Variants in PIK3R4 observed in about 807,000 individuals in gnomAD.
PIK3R4 encodes phosphoinositide-3-kinase regulatory subunit 4, also known as phosphoinositide 3-kinase regulatory subunit 4.
Under a neutral mutation model 136.5 loss-of-function variants are expected in PIK3R4, and 46 were observed. The observed-to-expected ratio is 0.34, with a 90% CI of 0.27 to 0.43. The LOEUF (loss-of-function observed/expected upper bound fraction) is 0.43. Among genes scored for constraint, PIK3R4 ranks in the 20% least tolerant of loss-of-function variants. PIK3R4 has a pLI of 1.00. For missense variants in PIK3R4, 1,331 were observed against 1,649.5 expected (o/e 0.81, Z 3.35); for synonymous variants, 557 against 566.7 (o/e 0.98, Z 0.24).
intron 9 of PIK3R4, among the ~76,000 whole-genome samples, chr3:130,710,534 A>G (rs1352426997): frequency 1.3e-5 from 2 of 152,138 alleles, no homozygotes; most frequent in African/African-American, 4.8e-5. Context: ...GCCCACTCAC[A>G]CCAACTCCCT....
At chr3:130,680,581 A>AAAAGGTGAAAGGAATG in intron 19 of PIK3R4, 32 bp downstream of exon 19, 1 of 1,227,024 alleles carries the variant, frequency 8.1e-7, no homozygotes, top group Non-Finnish European at 1.2e-6. Context: ...TTGTGCTTAC[A>AAAAGGTGAAAGGAATG]AAAGGTGAAA....
Position 130,679,251 on chromosome 3 carries a change from A to G in PIK3R4, c.*64T>C. ...AAGCAAATGAATCTGTTCTCTAGAA[A>G]TGCCTTTTCTCGAGTTATAGTATTA... On this transcript the variant is annotated 3_prime_UTR_variant, in exon 20 of 20. Transcript: ENST00000356763. 1 of 1,008,616 alleles carries G rather than the reference A, an allele frequency of 9.9e-7. No individual in the cohort carries two copies. Among genetic ancestry groups the G allele is most frequent in the East Asian group, 2.9e-5 (1 of 34,586 alleles). 62.5% of individuals were successfully genotyped at this position (1,008,616 alleles called of 1,614,324 possible).
intron 18 of PIK3R4, 106 bp downstream of exon 18, chr3:130,680,871 T>C: frequency 1.3e-6 from 1 of 757,162 alleles, no homozygotes; most frequent in Non-Finnish European, 2.2e-6. Context: ...AAATAAAGTA[T>C]TAACAGCTGT....
At chr3:130,722,423 G>C (rs147702111) in intron 7 of PIK3R4, among the ~76,000 whole-genome samples, 1 of 152,106 alleles carries the variant, frequency 6.6e-6, no homozygotes, top group Admixed American at 6.6e-5. Context: ...CACAAACTTT[G>C]AGTGCAGGGG....
chr3:130,690,642 T>C lies in PIK3R4; in HGVS notation c.3111A>G (p.Thr1037=), dbSNP rs1305017404. ...TGACTCGTCCTCCAATTCGGCTGTA[T>C]GTAAGAATAGATCTGAATGAAAGAA... ...GKTTTTRSIL[T]YSRIGGRVKT... The change falls in exon 14 of 20, where the codon ACA becomes ACG. Residue 1037 remains threonine (T), a synonymous_variant. Coordinates refer to ENST00000356763, the MANE Select transcript of PIK3R4 (RefSeq NM_014602.3). 1.9e-6 allele frequency: 3 copies of C among 1,603,052 alleles called. No homozygotes were observed. The highest frequency in any genetic ancestry group is 1.7e-5 in the Admixed American group (1 of 59,294).
chr3:130,706,004 T>C (rs1347195722), intron 11 of PIK3R4, among the ~76,000 whole-genome samples: 1 of 152,036 alleles, frequency 6.6e-6, no homozygotes, highest in Non-Finnish European at 1.5e-5. Flanking sequence ...ATTTTATATA[T>C]AAAAAAACTG....
At chr3:130,695,416 T>C (rs932084956) in intron 13 of PIK3R4, among the ~76,000 whole-genome samples, 1 of 152,170 alleles carries the variant, frequency 6.6e-6, no homozygotes, top group Non-Finnish European at 1.5e-5. Flanking sequence ...TCAGAAAATA[T>C]TAAATGGAAA....
chr3:130,688,053 C>G (rs746753677), intron 14 of PIK3R4, among the ~76,000 whole-genome samples: 2 of 152,218 alleles, frequency 1.3e-5, no homozygotes, highest in Non-Finnish European at 2.9e-5. Flanking sequence ...ATTTCTGCAT[C>G]TGTTCGTGTG....
In PIK3R4 at chr3:130,705,958, C is replaced by T. The variant is rs185347435; in HGVS notation, c.2722-187G>A. Among the ~76,000 whole-genome samples the T allele has an allele frequency of 4.0e-3, 596 of 147,820 alleles. 7 individuals carry two copies. Among genetic ancestry groups the T allele is most frequent in the African/African-American group, 0.014 (566 of 40,796 alleles). ...ACCCAGTTAAAATGAAGTATAACCACAAATGCTACATTTCCATTTTTTATA... is the reference window on the plus strand; with the variant it reads ...ACCCAGTTAAAATGAAGTATAACCATAAATGCTACATTTCCATTTTTTATA... On this transcript the variant is annotated intron_variant, in intron 11 of 19. Coordinates refer to ENST00000356763, the MANE Select transcript of PIK3R4 (RefSeq NM_014602.3).
chr3:130,732,354 A>C (rs891750714), intron 4 of PIK3R4, among the ~76,000 whole-genome samples: 8 of 152,212 alleles, frequency 5.3e-5, no homozygotes, highest in African/African-American at 1.9e-4. Flanking sequence ...CCCGTTTAAC[A>C]CAATTGAGAA....
intron 11 of PIK3R4, among the ~76,000 whole-genome samples, chr3:130,706,119 ATGAC>A (rs1263788714): frequency 2.0e-5 from 3 of 152,238 alleles, no homozygotes; most frequent in Admixed American, 6.5e-5. Context: ...TATTTAAGAT[ATGAC>A]TGACTAGGAA....
intron 9 of PIK3R4, among the ~76,000 whole-genome samples, chr3:130,712,256 C>G (rs1332065093): frequency 6.6e-6 from 1 of 152,066 alleles, no homozygotes; most frequent in Non-Finnish European, 1.5e-5. Flanking sequence ...CAAGTACAGT[C>G]CCGTATAGAA....
chr3:130,723,062 C>CAAAAAAAAAAAAAAAAAAAAAAAAAA, intron 7 of PIK3R4, among the ~76,000 whole-genome samples: 2 of 19,494 alleles, frequency 1.0e-4, no homozygotes, highest in East Asian at 2.1e-3. Flanking sequence ...GAGACTGTCG[C>CAAAAAAAAAAAAAAAAAAAAAAAAAA]AAAAAAAAAA....
chr3:130,713,919 G>T (rs987979732), intron 9 of PIK3R4, among the ~76,000 whole-genome samples: 2 of 152,082 alleles, frequency 1.3e-5, no homozygotes, highest in Admixed American at 6.6e-5. Context: ...TGATCTGCCC[G>T]CCTCAGCCTC....
Position 130,686,372 on chromosome 3 carries a change from T to A in PIK3R4, c.3314A>T (p.Asn1105Ile), listed in dbSNP as rs375568050. Reference protein sequence around the residue: ...DGCVVDMHHFNSGAQSVLAYA... With the variant: ...DGCVVDMHHFISGAQSVLAYA... The stretch of plus-strand genomic sequence containing the variant: ...GGCAAGAACAGACTGTGCTCCAGAG[T>A]TGAAGTGATGCATATCCACAACACA... The change falls in exon 15 of 20, where the codon AAC becomes ATC. Residue 1105 changes from asparagine (N) to isoleucine (I), a missense_variant. Transcript: ENST00000356763. 2 of 1,613,228 alleles carry A rather than the reference T, an allele frequency of 1.2e-6. No homozygotes were observed. Among genetic ancestry groups the A allele is most frequent in the Admixed American group, 1.7e-5 (1 of 59,980 alleles).
chr3:130,741,743 A>C (rs1354435793), intron 2 of PIK3R4, among the ~76,000 whole-genome samples: 10 of 152,188 alleles, frequency 6.6e-5, no homozygotes, highest in Admixed American at 2.6e-4. Context: ...TCTCCCCACT[A>C]GAATGAAAGC....
chr3:130,744,071 G>A (rs926451038), intron 2 of PIK3R4, among the ~76,000 whole-genome samples: 1 of 152,074 alleles, frequency 6.6e-6, no homozygotes, highest in Non-Finnish European at 1.5e-5. Context: ...ACCACCATGA[G>A]GACTAATTTA....
At chr3:130,693,249 ATGC>A (rs2066528112) in intron 13 of PIK3R4, among the ~76,000 whole-genome samples, 1 of 152,354 alleles carries the variant, frequency 6.6e-6, no homozygotes, top group South Asian at 2.1e-4. Flanking sequence ...ATTATGAATA[ATGC>A]TGCTATGAAC....
chr3:130,742,507 G>A (rs146100602), intron 2 of PIK3R4, among the ~76,000 whole-genome samples: 58 of 152,136 alleles, frequency 3.8e-4, no homozygotes, highest in African/African-American at 1.3e-3. Flanking sequence ...CTGGAACTTT[G>A]ATGGATTACA....
Sources: gnomAD v4.1 joint callset for allele counts (sites outside exome capture counted in the v4.1 genomes callset) on GRCh38, gnomAD v4.1.1 for gene constraint, MANE v1.5 for transcripts, NCBI Gene and HGNC (gene_info 2026-07-23, HGNC 2026-07-21) for gene names.